USH2A: variants seen among roughly 807,000 people sequenced by gnomAD.
The protein encoded by USH2A is Usher syndrome 2A (autosomal recessive, mild).
Under a neutral mutation model 538.9 loss-of-function variants are expected in USH2A, and 443 were observed. The ratio of observed to expected loss-of-function variants is 0.82; its 90% CI spans 0.76 to 0.89. The LOEUF is 0.89. Ranked by LOEUF, USH2A falls within the 40% of genes least tolerant of loss-of-function variation. The pLI is 0.00. For missense variants in USH2A, 6,633 were observed against 6,324.8 expected, an observed-to-expected ratio of 1.05 and a Z score of -1.65; for synonymous variants, 2,413 against 2,273.5, an observed-to-expected ratio of 1.06 and a Z score of -1.75.
intron 35 of USH2A, among the ~76,000 whole-genome samples, chr1:215,991,882 T>C (rs969190560): frequency 1.1e-4 from 17 of 152,186 alleles, no homozygotes; most frequent in African/African-American, 3.9e-4. Flanking sequence ...TGAACTAGGG[T>C]ACTTTGTGAA....
At chr1:215,661,972 C>A (rs949765466) in intron 64 of USH2A, among the ~76,000 whole-genome samples, 1 of 152,170 alleles carries the variant, frequency 6.6e-6, no homozygotes, top group Non-Finnish European at 1.5e-5. Flanking sequence ...TATTCATGGG[C>A]ATCTTTATTT....
rs1352425806 is a variant in USH2A, at chr1:215,845,861, G to A, written c.9018C>T (p.Ile3006=). Residue 3006 remains isoleucine (I), a synonymous_variant, in exon 45 of 72, where the codon ATC becomes ATT. Coordinates refer to ENST00000307340, the MANE Select transcript of USH2A (RefSeq NM_206933.4). The part of the protein sequence containing the change: ...FISVFNGVHS[I]NSAGLHATTC... ...TGGTTGCATGAAGTCCTGCACTGTT[G>A]ATGCTGTGGACTCCATTGAAGACAG... 1 of 1,613,840 alleles carries A rather than the reference G, an allele frequency of 6.2e-7. No homozygotes were observed. The highest frequency in any genetic ancestry group is 1.3e-5 in the African/African-American group (1 of 75,010).
intron 32 of USH2A, among the ~76,000 whole-genome samples, chr1:216,017,598 T>C (rs559373879): frequency 6.6e-6 from 1 of 152,322 alleles, no homozygotes; most frequent in African/African-American, 2.4e-5. Flanking sequence ...CAACAGAAGT[T>C]AATAATGAGA....
Position 215,650,900 on chromosome 1 carries a change from A to T in USH2A, c.14134-99T>A, listed in dbSNP as rs1237768720. The T allele has an allele frequency of 3.8e-6, 5 of 1,324,488 alleles. No individual in the cohort carries two copies. In the East Asian group the frequency reaches 1.2e-4, roughly 32 times the overall value. 82.0% of individuals were successfully genotyped at this position (1,324,488 alleles called of 1,614,324 possible). On this transcript the variant is annotated intron_variant, in intron 64 of 71. Transcript: ENST00000307340. ...GAAAAAAAACGAAATTGGCAACCAA[A>T]AGCAACTAAACACAACAGGAAGAGA...
At chr1:216,323,276 T>TTTTATA (rs977453658) in intron 8 of USH2A, among the ~76,000 whole-genome samples, 198 bp downstream of exon 8, 2 of 137,104 alleles carry the variant, frequency 1.5e-5, no homozygotes, top group African/African-American at 5.3e-5. Context: ...AAAATACGTT[T>TTTTATA]TATATATATA....
At chr1:215,850,924 A>G (rs1664000288) in intron 44 of USH2A, among the ~76,000 whole-genome samples, 1 of 152,236 alleles carries the variant, frequency 6.6e-6, no homozygotes, top group South Asian at 2.1e-4. Context: ...TGGAAATTAA[A>G]TAATCTGCTC....
intron 55 of USH2A, among the ~76,000 whole-genome samples, chr1:215,770,504 G>A (rs183926726): frequency 6.6e-6 from 1 of 152,046 alleles, no homozygotes; most frequent in East Asian, 1.9e-4. Context: ...AACTCAGGGT[G>A]TTTTTGTTTT....
At chr1:215,662,643 G>A (rs1657477824) in intron 64 of USH2A, among the ~76,000 whole-genome samples, 1 of 152,218 alleles carries the variant, frequency 6.6e-6, no homozygotes, top group Non-Finnish European at 1.5e-5. Context: ...ACATGGAAAT[G>A]TCCCAGTGGC....
In USH2A at chr1:216,266,406, G is replaced by A. The variant is rs141122667; in HGVS notation, c.1972-15308C>T. 3.6e-3 allele frequency among the ~76,000 whole-genome samples: 552 copies of A among 152,124 alleles called. 4 individuals are homozygous for A. The highest frequency in any genetic ancestry group is 0.013 in the African/African-American group (523 of 41,526). ...TATAGTAAACTAAAAAGCTAAGAAT[G>A]GTACCTTCCAAATTATGAGTAAAGT... On this transcript the variant is annotated intron_variant, in intron 11 of 71. Coordinates refer to ENST00000307340, the MANE Select transcript of USH2A (RefSeq NM_206933.4).
Position 216,048,605 on chromosome 1 carries a change from G to T in USH2A, c.6092C>A (p.Thr2031Asn), listed in dbSNP as rs752381384. Residue 2031 changes from threonine to asparagine, a missense_variant, in exon 31 of 72, where the codon ACC (threonine) becomes AAC (asparagine). By Grantham distance (65) the Thr-to-Asn change is moderately conservative. Coordinates refer to ENST00000307340, the MANE Select transcript of USH2A (RefSeq NM_206933.4). ...GCCAGCCAAAGTGCAAGCAGTTAGG[G>T]TTACTGCATAGTTTTTGAAGGGTAG... The part of the protein sequence containing the change: ...GLLPFKNYAV[T>N]LTACTLAGCT... 2.5e-6 allele frequency: 4 copies of T among 1,614,054 alleles called. No homozygotes were observed. The Admixed American group carries it at 5.0e-5, about 20-fold the overall frequency.
At chr1:215,759,886 T>C (rs375799967) in intron 56 of USH2A, 43 bp from the exon 57 acceptor site, 7 of 1,611,614 alleles carry the variant, frequency 4.3e-6, no homozygotes, top group Non-Finnish European at 5.9e-6. Context: ...TAGGAGAAAA[T>C]AAACAGTGTA....
intron 38 of USH2A, among the ~76,000 whole-genome samples, chr1:215,925,132 T>G (rs1373366112): frequency 6.6e-6 from 1 of 152,080 alleles, no homozygotes; most frequent in Non-Finnish European, 1.5e-5. Context: ...TACCTCTTCA[T>G]ACATGCACAC....
chr1:215,740,110 C>T (rs911272220), intron 60 of USH2A, among the ~76,000 whole-genome samples: 3 of 152,060 alleles, frequency 2.0e-5, no homozygotes, highest in Non-Finnish European at 2.9e-5. Context: ...GTTATTTGCC[C>T]CCTTGGCTCT....
intron 15 of USH2A, among the ~76,000 whole-genome samples, chr1:216,208,635 GCC>G (rs1329425459): frequency 6.6e-6 from 1 of 152,046 alleles, no homozygotes; most frequent in Non-Finnish European, 1.5e-5. Context: ...GGTTTCTCAA[GCC>G]AACCCTGAAC....
chr1:215,825,028 G>T (rs368917084), intron 47 of USH2A, among the ~76,000 whole-genome samples: 1 of 152,060 alleles, frequency 6.6e-6, no homozygotes, highest in African/African-American at 2.4e-5. Context: ...AGTGAAGCCA[G>T]CTTGCTTCTA....
chr1:216,073,067 A>G, intron 28 of USH2A, 30 bp downstream of exon 28: 2 of 1,613,660 alleles, frequency 1.2e-6, no homozygotes, highest in Non-Finnish European at 8.5e-7. Flanking sequence ...AGAGACATGT[A>G]ACATTTAATT....
chr1:216,174,473 T>C, intron 21 of USH2A: 1 of 985,412 alleles, frequency 1.0e-6, no homozygotes, highest in Non-Finnish European at 1.2e-6. Flanking sequence ...GTAAGGCCAG[T>C]GAGGCAGGAT....
At chr1:216,344,225 G>A (rs760048363) in intron 4 of USH2A, among the ~76,000 whole-genome samples, 5 of 152,040 alleles carry the variant, frequency 3.3e-5, no homozygotes, top group Admixed American at 1.3e-4. Flanking sequence ...AGAGAAAGAC[G>A]AATGGCAATA....
chr1:216,388,623 C>A (rs1310797364), intron 3 of USH2A, among the ~76,000 whole-genome samples: 1 of 152,168 alleles, frequency 6.6e-6, no homozygotes, highest in Non-Finnish European at 1.5e-5. Flanking sequence ...TCTACACATG[C>A]CATAAGGCAT....
Sources: allele counts gnomAD v4.1 joint callset (sites outside exome capture counted in the v4.1 genomes callset), GRCh38; gene constraint gnomAD v4.1.1; transcripts MANE v1.5; gene names NCBI Gene and HGNC (gene_info 2026-07-23, HGNC 2026-07-21).